The following FANK1 variants were observed in gnomAD, a reference collection of about 807,000 sequenced individuals.
FANK1 encodes the protein fibronectin type III and ankyrin repeat domains 1.
A neutral mutation model predicts 45.3 loss-of-function variants in FANK1; 44 were observed. That is an observed-to-expected ratio of 0.97 (90% CI 0.76 to 1.25). The LOEUF (loss-of-function observed/expected upper bound fraction) is 1.25, where lower values mean the gene tolerates loss of function less well. Ranked by LOEUF, FANK1 falls within the 50% of genes most tolerant of loss-of-function variation. The pLI is 0.00. For missense variants in FANK1, 391 were observed against 424.4 expected (o/e 0.92, Z 0.69); for synonymous variants, 149 against 152.5 (o/e 0.98, Z 0.17).
Position 126,008,410 on chromosome 10 carries a change from G to A in FANK1, c.709G>A (p.Asp237Asn), listed in dbSNP as rs751303046. ...AGCTGTTTCTCTGGCCCAACAGGTA[G>A]ACGTCGTGGACACTGGTTCAGGATG... ...EWMIKDGCEV[D>N]VVDTGSGWTP... Residue 237 changes from aspartate to asparagine, a missense_variant, in exon 8 of 11, where the codon GAC becomes AAC. By Grantham distance (23) the Asp-to-Asn change is conservative (BLOSUM62 1). Coordinates refer to ENST00000368693, the MANE Select transcript of FANK1 (RefSeq NM_145235.5). The A allele has an allele frequency of 2.5e-6, 4 of 1,597,602 alleles. No homozygotes were observed. Among genetic ancestry groups the A allele is most frequent in the South Asian group, 1.1e-5 (1 of 87,842 alleles).
chr10:125,992,894 T>C lies in FANK1; in HGVS notation c.317-2523T>C, dbSNP rs185011991. Among the ~76,000 whole-genome samples, 6 of 152,344 alleles carry C rather than the reference T, an allele frequency of 3.9e-5. No homozygotes were observed. In the East Asian group the frequency reaches 1.2e-3, roughly 29 times the overall value. The stretch of plus-strand genomic sequence containing the variant: ...TTAACACTTTGCGGGAGGATCACAT[T>C]TACTTATGATGTTCATCTGTATTCA... On this transcript the variant is annotated intron_variant, in intron 3 of 10. Transcript: ENST00000368693.
chr10:125,975,246 T>C (rs1313752069), intron 1 of FANK1, among the ~76,000 whole-genome samples: 1 of 152,228 alleles, frequency 6.6e-6, no homozygotes, highest in African/African-American at 2.4e-5. Flanking sequence ...CAGTCTGTCA[T>C]TGATGGACAT....
chr10:125,929,482 G>A (rs1466140350), intron 1 of FANK1, among the ~76,000 whole-genome samples: 2 of 152,182 alleles, frequency 1.3e-5, no homozygotes, highest in African/African-American at 2.4e-5. Context: ...AGAAAGCACT[G>A]CCTGTATTTG....
At chr10:125,975,573 CT>C (rs1385801088) in intron 1 of FANK1, among the ~76,000 whole-genome samples, 7 of 152,108 alleles carry the variant, frequency 4.6e-5, no homozygotes, top group African/African-American at 1.7e-4. Flanking sequence ...TTTTGATATG[CT>C]TGTTGGCCAC....
chr10:125,932,244 G>C (rs1032749988), intron 1 of FANK1, among the ~76,000 whole-genome samples: 2 of 152,048 alleles, frequency 1.3e-5, no homozygotes, highest in Non-Finnish European at 2.9e-5. Context: ...GAAGAATAAT[G>C]GTGGTATTTT....
At chr10:126,005,479 T>G (rs909767513) in intron 7 of FANK1, among the ~76,000 whole-genome samples, 6 of 152,112 alleles carry the variant, frequency 3.9e-5, no homozygotes, top group African/African-American at 1.4e-4. Flanking sequence ...AACTAATTTT[T>G]GTATTTTTAG....
chr10:125,973,913 T>C (rs1950683877), intron 1 of FANK1: 1 of 152,222 alleles, frequency 6.6e-6, no homozygotes, highest in South Asian at 2.1e-4. Context: ...TGTTATGTAG[T>C]GTGTCCTTTT....
chr10:125,967,319 G>A (rs886873235), intron 1 of FANK1, among the ~76,000 whole-genome samples: 1 of 152,136 alleles, frequency 6.6e-6, no homozygotes, highest in Non-Finnish European at 1.5e-5. Flanking sequence ...GCAAATTATG[G>A]GACCTCTGTG....
chr10:125,954,620 T>TA (rs1240174706), intron 1 of FANK1, among the ~76,000 whole-genome samples: 5 of 152,084 alleles, frequency 3.3e-5, no homozygotes, highest in Non-Finnish European at 7.4e-5. Flanking sequence ...TTTTTCATTT[T>TA]AAAAAAATAG....
chr10:125,908,559 A>G (rs545285364), intron 1 of FANK1, among the ~76,000 whole-genome samples: 1 of 152,314 alleles, frequency 6.6e-6, no homozygotes, highest in East Asian at 1.9e-4. Context: ...ATGAAGATGC[A>G]AAGGCATAAG....
intron 1 of FANK1, among the ~76,000 whole-genome samples, chr10:125,918,315 T>C (rs1243629327): frequency 6.6e-6 from 1 of 151,888 alleles, no homozygotes; most frequent in Non-Finnish European, 1.5e-5. Context: ...CCTAGCACTT[T>C]GGGAGGCTGA....
In FANK1 at chr10:125,980,288, C is replaced by T. The variant is rs1265550465; in HGVS notation, c.141C>T (p.Phe47=). 4 of 1,613,992 alleles carry T rather than the reference C, an allele frequency of 2.5e-6. No homozygotes were observed. The Admixed American group carries it at 6.7e-5, about 27-fold the overall frequency. The change falls in exon 2 of 11, where the codon TTC becomes TTT. Residue 47 remains phenylalanine (F), a synonymous_variant. Transcript: ENST00000368693. Reference sequence around the variant, plus strand: ...GACCTCAAGAGCAGTGGTTCAGGTTCTCGATTGAAGAAGAAGACCCCAAAA... The same window carrying T: ...GACCTCAAGAGCAGTGGTTCAGGTTTTCGATTGAAGAAGAAGACCCCAAAA... The part of the protein sequence containing the change: ...RQGPQEQWFR[F]SIEEEDPKMH...
intron 1 of FANK1, among the ~76,000 whole-genome samples, chr10:125,909,686 C>CTTTTTTTT (rs34854157): frequency 2.9e-5 from 3 of 103,268 alleles, no homozygotes; most frequent in East Asian, 2.9e-4. Context: ...GACCAATTAA[C>CTTTTTTTT]TTTTTTTTTT....
chr10:125,985,382 C>T (rs1951487128), intron 2 of FANK1, among the ~76,000 whole-genome samples: 1 of 152,138 alleles, frequency 6.6e-6, no homozygotes, highest in South Asian at 2.1e-4. Context: ...ACATCAAAAT[C>T]TACCTACTCA....
chr10:125,990,776 T>C (rs2134212916), intron 3 of FANK1, among the ~76,000 whole-genome samples: 1 of 152,240 alleles, frequency 6.6e-6, no homozygotes, highest in Non-Finnish European at 1.5e-5. Context: ...GCTGGGTAAT[T>C]TATTATAAAG....
intron 1 of FANK1, among the ~76,000 whole-genome samples, chr10:125,932,584 G>A (rs1028051463): frequency 2.0e-5 from 3 of 152,164 alleles, no homozygotes; most frequent in African/African-American, 7.2e-5. Flanking sequence ...AAAACTTGCT[G>A]AATTCTTTTA....
At chr10:125,943,639 A>G (rs1041376714) in intron 1 of FANK1, among the ~76,000 whole-genome samples, 1 of 152,210 alleles carries the variant, frequency 6.6e-6, no homozygotes, top group Non-Finnish European at 1.5e-5. Context: ...CTCTCTATTC[A>G]TGCTCAGGTG....
At chr10:126,004,349 T>C (rs1465712937) in intron 6 of FANK1, 1 of 152,166 alleles carries the variant, frequency 6.6e-6, no homozygotes, top group Non-Finnish European at 1.5e-5. Context: ...TCACTATTCA[T>C]TTTTTATTGA....
intron 1 of FANK1, among the ~76,000 whole-genome samples, chr10:125,963,798 C>G (rs150224065): frequency 6.6e-6 from 1 of 151,848 alleles, no homozygotes; most frequent in Admixed American, 6.6e-5. Context: ...ATGTAAATGA[C>G]GAGATAATGG....
Sources: gnomAD v4.1 joint callset for allele counts (sites outside exome capture counted in the v4.1 genomes callset) on GRCh38, gnomAD v4.1.1 for gene constraint, MANE v1.5 for transcripts, NCBI Gene and HGNC (gene_info 2026-07-23, HGNC 2026-07-21) for gene names.